Variants in ELAPOR2 observed in about 807,000 individuals in gnomAD.
ELAPOR2 encodes the protein endosome/lysosome-associated apoptosis and autophagy regulator family member 2.
ELAPOR2 carries 89 observed loss-of-function variants against 120.7 expected under a neutral mutation model. The observed-to-expected ratio is 0.74, with a 90% CI of 0.62 to 0.88. The LOEUF is 0.88. Ranked by LOEUF, ELAPOR2 falls within the 40% of genes least tolerant of loss-of-function variation. The pLI is 0.00. For missense variants in ELAPOR2, 1,134 were observed against 1,251.6 expected (o/e 0.91, Z 1.42); for synonymous variants, 444 against 444.9 (o/e 1.00, Z 0.03).
chr7:87,012,133 C>G (rs868336936), intron 1 of ELAPOR2, among the ~76,000 whole-genome samples: 22 of 152,232 alleles, frequency 1.4e-4, no homozygotes, highest in African/African-American at 5.3e-4. Flanking sequence ...AATATCTGGC[C>G]GGGCGTGGTG....
In ELAPOR2 at chr7:87,059,620, C is replaced by T. The variant is rs903241946; in HGVS notation, c.-107G>A. ...CTGCTGTGCGCTCGTCTCGCCGCTC[C>T]GTCACCCGCTGCCCGTCCGCCCGCT... On this transcript the variant is annotated 5_prime_UTR_variant, in exon 1 of 22. Transcript: ENST00000450689. 10 of 1,083,488 alleles carry T rather than the reference C, an allele frequency of 9.2e-6. No homozygotes were observed. The highest frequency in any genetic ancestry group is 7.9e-6 in the Non-Finnish European group (7 of 889,670). The allele number at this position is 1,083,488 out of a possible 1,614,324, so 67.1% of individuals were successfully genotyped here. A position where few individuals can be genotyped will look rare whatever the true frequency, so the allele number is the denominator to read the frequency against.
intron 1 of ELAPOR2, among the ~76,000 whole-genome samples, chr7:87,043,957 A>AC (rs1251819533): frequency 1.3e-5 from 2 of 151,510 alleles, no homozygotes; most frequent in African/African-American, 2.4e-5. Flanking sequence ...GCATTCTTAT[A>AC]CACCAACAAC....
intron 10 of ELAPOR2, among the ~76,000 whole-genome samples, chr7:86,924,937 A>T (rs796778269): frequency 3.3e-4 from 50 of 152,198 alleles, no homozygotes; most frequent in African/African-American, 1.1e-3. Flanking sequence ...AAGTTTAAAA[A>T]TACATATATT....
At position 86,935,510 on chromosome 7, in the gene ELAPOR2, T is replaced by C. The variant is rs552977879; in HGVS notation, c.1089+2616A>G. 9.5e-4 allele frequency among the ~76,000 whole-genome samples: 144 copies of C among 152,182 alleles called. 1 individual carries two copies. In the South Asian group the frequency reaches 0.011, roughly 11 times the overall value. ...GGAAATAATAATTCATTTTATTTGA[T>C]TGACTGTTTATCTCTTCCTCTAGAG... On this transcript the variant is annotated intron_variant, in intron 8 of 21. Coordinates refer to ENST00000450689, the MANE Select transcript of ELAPOR2 (RefSeq NM_001142749.3).
rs1799297119 is a variant in ELAPOR2 at position 86,879,452 on chromosome 7, T to G, written c.*1019A>C. 1.3e-5 allele frequency: 2 copies of G among 152,184 alleles called. No homozygotes were observed. Among genetic ancestry groups the G allele is most frequent in the Admixed American group, 1.3e-4 (2 of 15,270 alleles). The allele number at this position is 152,184 out of a possible 1,614,324, so 9.4% of individuals were successfully genotyped here. ...TATTGGATTATTTTTTTAAAAAGTT[T>G]CTGAGAAAGTCAACATCCTCAAAGT... On this transcript the variant is annotated 3_prime_UTR_variant, in exon 22 of 22. Transcript: ENST00000450689.
chr7:87,007,441 G>A (rs553102069), intron 1 of ELAPOR2, among the ~76,000 whole-genome samples: 1 of 152,282 alleles, frequency 6.6e-6, no homozygotes, highest in Admixed American at 6.5e-5. Flanking sequence ...GCACAAACTT[G>A]TAGTTTTTAA....
At chr7:86,900,617 T>G (rs540175922) in intron 18 of ELAPOR2, among the ~76,000 whole-genome samples, 3 of 152,342 alleles carry the variant, frequency 2.0e-5, no homozygotes, top group Middle Eastern at 6.8e-3. Context: ...CTTGGCAGAC[T>G]TCATTTGTTA....
intron 21 of ELAPOR2, among the ~76,000 whole-genome samples, chr7:86,883,071 G>A (rs1799496892): frequency 6.7e-6 from 1 of 148,542 alleles, no homozygotes; most frequent in African/African-American, 2.6e-5. Flanking sequence ...TGAAAGACAT[G>A]TGTCCTCCCC....
intron 1 of ELAPOR2, among the ~76,000 whole-genome samples, chr7:86,974,471 T>C (rs1792205539): frequency 6.6e-6 from 1 of 152,114 alleles, no homozygotes; most frequent in Admixed American, 6.5e-5. Flanking sequence ...TAATAAGATT[T>C]CATATAGTCC....
intron 1 of ELAPOR2, among the ~76,000 whole-genome samples, chr7:87,016,022 T>C (rs1030782824): frequency 3.3e-5 from 5 of 152,164 alleles, no homozygotes; most frequent in Non-Finnish European, 4.4e-5. Context: ...AAGTCTTCCC[T>C]AAATTAGTGT....
At chr7:86,947,089 T>C (rs986844172) in intron 3 of ELAPOR2, among the ~76,000 whole-genome samples, 3 of 152,178 alleles carry the variant, frequency 2.0e-5, no homozygotes, top group African/African-American at 7.2e-5. Flanking sequence ...GAGGCTACTC[T>C]TGTCAGGGGG....
intron 21 of ELAPOR2, among the ~76,000 whole-genome samples, chr7:86,884,969 T>A (rs1329798045): frequency 6.6e-6 from 1 of 152,160 alleles, no homozygotes; most frequent in Non-Finnish European, 1.5e-5. Context: ...TGAGACTGAT[T>A]CCCATAGGAA....
In ELAPOR2 at chr7:86,942,025, G is replaced by C; in HGVS notation, c.734C>G (p.Ser245Cys). The change falls in exon 5 of 22, where the codon TCT becomes TGT. Residue 245 changes from serine (S) to cysteine (C), a missense_variant. Around this residue, in one of 3 missense-constraint regions of ELAPOR2, gnomAD observed 280 missense variants for 331.5 expected, o/e 0.84. Transcript: ENST00000450689. ...AAATACAAAGAGACTTACAGAATGA[G>C]AGCCCCATTCTCCATTGTCTGTAAG... is the stretch of plus-strand genomic sequence containing the variant. ...VKLTDNGEWG[S>C]HSVMLKSGTN... 2 of 1,542,906 alleles carry C rather than the reference G, an allele frequency of 1.3e-6. No individual in the cohort carries two copies. Among genetic ancestry groups the C allele is most frequent in the Non-Finnish European group, 1.8e-6 (2 of 1,139,350 alleles).
At chr7:87,030,288 A>C (rs985546465) in intron 1 of ELAPOR2, among the ~76,000 whole-genome samples, 1 of 152,170 alleles carries the variant, frequency 6.6e-6, no homozygotes, top group South Asian at 2.1e-4. Context: ...GTCACAGTAC[A>C]TACCAATACC....
chr7:86,882,137 C>T (rs1428524470), intron 21 of ELAPOR2, among the ~76,000 whole-genome samples: 3 of 152,160 alleles, frequency 2.0e-5, no homozygotes, highest in Admixed American at 1.3e-4. Context: ...TGAGAACTGG[C>T]CTGAGGTCTC....
chr7:87,043,396 C>A (rs1794846787), intron 1 of ELAPOR2, among the ~76,000 whole-genome samples: 1 of 151,194 alleles, frequency 6.6e-6, no homozygotes, highest in Non-Finnish European at 1.5e-5. Flanking sequence ...AGCAGCACAT[C>A]AAAAAGCTTA....
At chr7:86,974,001 A>G (rs1792191208) in intron 1 of ELAPOR2, among the ~76,000 whole-genome samples, 1 of 151,942 alleles carries the variant, frequency 6.6e-6, no homozygotes, top group African/African-American at 2.4e-5. Context: ...CCCTCCCTCT[A>G]CCTCTTGAAG....
intron 1 of ELAPOR2, among the ~76,000 whole-genome samples, chr7:86,996,482 C>G (rs1299048729): frequency 6.6e-6 from 1 of 152,128 alleles, no homozygotes; most frequent in Admixed American, 6.5e-5. Context: ...TTTTGGGGAA[C>G]AAGAAGAGTA....
At chr7:86,941,971 G>C (rs1790816286) in intron 5 of ELAPOR2, 47 bp downstream of exon 5, 5 of 1,175,624 alleles carry the variant, frequency 4.3e-6, no homozygotes, top group Non-Finnish European at 4.9e-6. Flanking sequence ...GGGAAAAAAA[G>C]AAGAAGGAAA....
Sources: gnomAD v4.1 joint callset for allele counts (sites outside exome capture counted in the v4.1 genomes callset) on GRCh38, gnomAD v4.1.1 for gene constraint, gnomAD v4.1.1 regional missense constraint, MANE v1.5 for transcripts, NCBI Gene and HGNC (gene_info 2026-07-23, HGNC 2026-07-21) for gene names.